The following NRP1 variants were observed in gnomAD, a reference collection of about 807,000 sequenced individuals.
NRP1 encodes the protein neuropilin-1.
In NRP1, 35 loss-of-function variants were observed where a neutral mutation model predicts 106.7. The ratio of observed to expected loss-of-function variants is 0.33; its 90% confidence interval spans 0.25 to 0.43. The LOEUF (loss-of-function observed/expected upper bound fraction) is 0.43. Ranked by LOEUF, NRP1 falls within the 20% of genes least tolerant of loss-of-function variation. NRP1 has a pLI of 1.00. For synonymous variants in NRP1, 437 were observed against 417.9 expected (o/e 1.05, Z -0.56); for missense variants, 1,024 against 1,170.4 (o/e 0.87, Z 1.83).
chr10:33,223,482 A>G (rs545407164), intron 7 of NRP1, among the ~76,000 whole-genome samples: 60 of 151,078 alleles, frequency 4.0e-4, no homozygotes, highest in Non-Finnish European at 7.1e-4. Flanking sequence ...AAAATTAGCC[A>G]GGTATGGTGG....
chr10:33,226,589 C>T (rs1156980649), intron 6 of NRP1, among the ~76,000 whole-genome samples: 4 of 152,218 alleles, frequency 2.6e-5, no homozygotes, highest in Admixed American at 2.0e-4. Flanking sequence ...TATGATAGGA[C>T]AGTGTGAGGG....
intron 2 of NRP1, 91 bp from the exon 3 acceptor site, chr10:33,270,947 G>A: frequency 2.6e-6 from 3 of 1,143,528 alleles, no homozygotes; most frequent in East Asian, 2.6e-5. Flanking sequence ...CCAGCATAGT[G>A]TGCCAGGAAG....
intron 2 of NRP1, among the ~76,000 whole-genome samples, chr10:33,285,743 G>A (rs2132586238): frequency 6.6e-6 from 1 of 152,240 alleles, no homozygotes; most frequent in East Asian, 1.9e-4. Context: ...TGAGGCAGGA[G>A]AACTGCTTGA....
In NRP1 at chr10:33,185,664, T is replaced by G; in HGVS notation, c.2395A>C (p.Ser799Arg). 4 of 1,614,140 alleles carry G rather than the reference T, an allele frequency of 2.5e-6. No individual in the cohort carries two copies. The highest frequency in any genetic ancestry group is 3.4e-6 in the Non-Finnish European group (4 of 1,179,948). Reference protein sequence around the residue: ...NLGGIAVDDISINNHISQEDC... With the variant: ...NLGGIAVDDIRINNHISQEDC... Reference sequence around the variant, plus strand: ...TCTTGTGAAATGTGGTTATTAATACTAATGTCATCCACAGCAATCCCACCA... The same window carrying G: ...TCTTGTGAAATGTGGTTATTAATACGAATGTCATCCACAGCAATCCCACCA... Residue 799 changes from serine (S) to arginine (R), a missense_variant, in exon 15 of 17, where the codon AGT becomes CGT. By Grantham distance (110) the Ser-to-Arg change is moderately radical (BLOSUM62 -1). Coordinates refer to ENST00000374867, the MANE Select transcript of NRP1 (RefSeq NM_003873.7).
chr10:33,193,097 T>G (rs1348040690), intron 12 of NRP1, among the ~76,000 whole-genome samples: 1 of 152,172 alleles, frequency 6.6e-6, no homozygotes, highest in Non-Finnish European at 1.5e-5. Context: ...GTCATCTAAA[T>G]CCAAAGCCCA....
intron 10 of NRP1, chr10:33,206,420 G>A (rs571348280): frequency 2.2e-5 from 10 of 461,162 alleles, no homozygotes; most frequent in Admixed American, 1.2e-4. Context: ...AAGAATAGGA[G>A]AAAATGGCCT....
At position 33,182,694 on chromosome 10, in the gene NRP1, T is replaced by G. The variant is rs2132575695; in HGVS notation, c.2482+4A>C. The G allele has an allele frequency of 6.2e-7, 1 of 1,610,680 alleles. No individual in the cohort carries two copies. The highest frequency in any genetic ancestry group is 8.5e-7 in the Non-Finnish European group (1 of 1,177,824). On this transcript the variant is annotated splice_donor_region_variant and intron_variant, in intron 16 of 16. Coordinates refer to ENST00000374867, the MANE Select transcript of NRP1 (RefSeq NM_003873.7). ...TTAAAAATTGGTCAGCAAGACAAAT[T>G]TACCTGTTTCATCAATTTTAATTTC...
chr10:33,331,896 A>G (rs1406995256), intron 1 of NRP1, among the ~76,000 whole-genome samples: 1 of 152,210 alleles, frequency 6.6e-6, no homozygotes, highest in Non-Finnish European at 1.5e-5. Context: ...TATAAGAGAA[A>G]CGGTATGAAA....
intron 12 of NRP1, 130 bp downstream of exon 12, chr10:33,197,520 A>T (rs553528689): frequency 1.8e-6 from 1 of 561,982 alleles, no homozygotes; most frequent in East Asian, 3.2e-5. Context: ...TTTATGGCTC[A>T]TGCTTGGAGA....
chr10:33,309,587 C>T (rs1846422486), intron 2 of NRP1, among the ~76,000 whole-genome samples: 2 of 152,210 alleles, frequency 1.3e-5, no homozygotes, highest in Admixed American at 1.3e-4. Flanking sequence ...TTTCTAGCAC[C>T]TGACACTGTG....
chr10:33,319,851 G>T (rs1467545716), intron 2 of NRP1, among the ~76,000 whole-genome samples: 2 of 151,532 alleles, frequency 1.3e-5, no homozygotes, highest in African/African-American at 4.8e-5. Context: ...CTCCCAAAGT[G>T]CTGGGATTGC....
At chr10:33,255,501 C>A (rs1212608396) in intron 5 of NRP1, among the ~76,000 whole-genome samples, 1 of 152,184 alleles carries the variant, frequency 6.6e-6, no homozygotes, top group African/African-American at 2.4e-5. Context: ...GTCAACCAGG[C>A]TGGAGTGCAG....
chr10:33,185,316 A>G (rs2224319), intron 15 of NRP1, among the ~76,000 whole-genome samples: 45,317 of 152,048 alleles, frequency 0.3, 7,196 homozygotes, highest in East Asian at 0.64. Context: ...CTGTTCATCA[A>G]AATGTTTCGG....
At chr10:33,262,447 A>C (rs1009621544) in intron 4 of NRP1, among the ~76,000 whole-genome samples, 1 of 152,132 alleles carries the variant, frequency 6.6e-6, no homozygotes, top group Admixed American at 6.6e-5. Context: ...TCATGCCTGT[A>C]ATCTCAGCAC....
intron 3 of NRP1, among the ~76,000 whole-genome samples, chr10:33,269,975 A>T (rs1438612258): frequency 6.6e-6 from 1 of 152,220 alleles, no homozygotes; most frequent in Non-Finnish European, 1.5e-5. Context: ...TAATGATGAT[A>T]GGAATAAAGT....
Position 33,186,441 on chromosome 10 carries a change from T to C in NRP1, c.2110A>G (p.Lys704Glu), listed in dbSNP as rs760041017. 1.2e-6 allele frequency: 2 copies of C among 1,614,030 alleles called. No individual in the cohort carries two copies. Among genetic ancestry groups the C allele is most frequent in the Non-Finnish European group, 1.7e-6 (2 of 1,179,938 alleles). Residue 704 changes from lysine to glutamate, a missense_variant, in exon 14 of 17, where the codon AAA (lysine) becomes GAA (glutamate). By Grantham distance (56) the Lys-to-Glu change is moderately conservative. Transcript: ENST00000374867. ...ACAGGGCTCACCAGGCGAGCCACTT[T>C]GCCCTTCTGATTTTCGTCAGCTTGG... The part of the protein sequence containing the change: ...YSQADENQKG[K>E]VARLVSPVVY...
At chr10:33,246,000 T>G (rs1359544836) in intron 6 of NRP1, among the ~76,000 whole-genome samples, 1 of 152,182 alleles carries the variant, frequency 6.6e-6, no homozygotes, top group Non-Finnish European at 1.5e-5. Context: ...CTAAGAGGCT[T>G]TTTCAAATAT....
intron 13 of NRP1, among the ~76,000 whole-genome samples, 171 bp downstream of exon 13, chr10:33,192,110 G>A (rs1277471979): frequency 6.6e-6 from 1 of 151,842 alleles, no homozygotes; most frequent in Non-Finnish European, 1.5e-5. Flanking sequence ...TATGCTTCTC[G>A]CTACTAGGGA....
chr10:33,334,291 G>A lies in NRP1; in HGVS notation c.73+19C>T, dbSNP rs1589017479. 6.5e-7 allele frequency: 1 copy of A among 1,537,360 alleles called. No individual in the cohort carries two copies. The highest frequency in any genetic ancestry group is 8.7e-7 in the Non-Finnish European group (1 of 1,144,342). ...GAGCCGGGGCGCCGCTGTCACCCGC[G>A]CCTCTGCCTGTCACTTACCGTTGCG... On this transcript the variant is annotated intron_variant, in intron 1 of 16. Transcript: ENST00000374867.
Sources: allele counts gnomAD v4.1 joint callset (sites outside exome capture counted in the v4.1 genomes callset), GRCh38; gene constraint gnomAD v4.1.1; transcripts MANE v1.5; gene names NCBI Gene and HGNC (gene_info 2026-07-23, HGNC 2026-07-21).